Variants in HELZ observed in about 807,000 individuals in gnomAD.
HELZ encodes the protein ATP-dependent RNA helicase with zinc finger domain.
Under a neutral mutation model 218.2 loss-of-function variants are expected in HELZ, and 23 were observed. That is an observed-to-expected ratio of 0.11 (90% confidence interval 0.08 to 0.15). The LOEUF (loss-of-function observed/expected upper bound fraction) is 0.15, where lower values mean the gene tolerates loss of function less well. Ranked by LOEUF, HELZ falls within the 10% of genes least tolerant of loss-of-function variation. HELZ has a pLI of 1.00. For synonymous variants in HELZ, 814 were observed against 829.4 expected, an observed-to-expected ratio of 0.98 and a Z score of 0.32; for missense variants, 1,813 against 2,353.7, an observed-to-expected ratio of 0.77 and a Z score of 4.75.
chr17:67,103,106 ACAT>A (rs1470770885), intron 31 of HELZ, among the ~76,000 whole-genome samples: 1 of 152,186 alleles, frequency 6.6e-6, no homozygotes, highest in Non-Finnish European at 1.5e-5. Context: ...TTAAATAAAA[ACAT>A]CATAAGTGAT....
At chr17:67,196,367 C>T (rs1567882223) in intron 7 of HELZ, among the ~76,000 whole-genome samples, 2 of 152,204 alleles carry the variant, frequency 1.3e-5, no homozygotes. Context: ...TTCAACAAAG[C>T]GCCAACCATA....
At chr17:67,179,441 G>A (rs919618616) in intron 12 of HELZ, among the ~76,000 whole-genome samples, 4 of 152,124 alleles carry the variant, frequency 2.6e-5, no homozygotes, top group Non-Finnish European at 4.4e-5. Flanking sequence ...AAATCTTTTC[G>A]AAAATATTAA....
chr17:67,091,631 A>G (rs2036576770), intron 31 of HELZ, among the ~76,000 whole-genome samples: 1 of 152,170 alleles, frequency 6.6e-6, no homozygotes, highest in Non-Finnish European at 1.5e-5. Context: ...TAACATAGCT[A>G]AAGTGGGAAA....
At chr17:67,195,690 G>C (rs557935601) in intron 7 of HELZ, among the ~76,000 whole-genome samples, 1 of 151,910 alleles carries the variant, frequency 6.6e-6, no homozygotes, top group Non-Finnish European at 1.5e-5. Flanking sequence ...GCTGATAGAG[G>C]CCTCCTACAT....
At chr17:67,092,829 G>C (rs2036611957) in intron 31 of HELZ, among the ~76,000 whole-genome samples, 1 of 151,984 alleles carries the variant, frequency 6.6e-6, no homozygotes, top group African/African-American at 2.4e-5. Context: ...GCCGGGAGTG[G>C]TGGCGGGTGA....
chr17:67,233,376 AAGAT>A (rs962917565), intron 3 of HELZ, among the ~76,000 whole-genome samples: 2 of 152,162 alleles, frequency 1.3e-5, no homozygotes, highest in African/African-American at 4.8e-5. Context: ...ATAAAATTAA[AAGAT>A]AGAAAATAAA....
rs181046513 is a variant in HELZ, at chr17:67,222,441, T to C, written c.-18-3619A>G. ...GAGCTCGGTAACATTAATATGTAAG[T>C]AGAGATTAAGCGCAGAACTATGAAT... On this transcript the variant is annotated intron_variant, in intron 3 of 32. Coordinates refer to ENST00000358691, the MANE Select transcript of HELZ (RefSeq NM_014877.4). Among the ~76,000 whole-genome samples, 3 of 152,212 alleles carry C rather than the reference T, an allele frequency of 2.0e-5. No homozygotes were observed. In the East Asian group the frequency reaches 5.8e-4, roughly 29 times the overall value.
At chr17:67,086,633 T>TATAAATATAA (rs1162931301) in intron 32 of HELZ, among the ~76,000 whole-genome samples, 196 bp downstream of exon 32, 1 of 72,994 alleles carries the variant, frequency 1.4e-5, no homozygotes, top group Admixed American at 1.5e-4. Context: ...TAAATATAAA[T>TATAAATATAA]ATATATATAT....
At chr17:67,133,510 C>T (rs1300354141) in intron 23 of HELZ, among the ~76,000 whole-genome samples, 3 of 152,044 alleles carry the variant, frequency 2.0e-5, no homozygotes, top group Admixed American at 2.0e-4. Flanking sequence ...ACTAATGTGG[C>T]TTGACACTAT....
intron 22 of HELZ, among the ~76,000 whole-genome samples, chr17:67,136,883 C>T (rs1194930045): frequency 1.3e-5 from 2 of 151,962 alleles, no homozygotes; most frequent in East Asian, 3.9e-4. Context: ...TGCACAATAA[C>T]GTAAATGAAC....
chr17:67,189,514 A>G (rs905017943), intron 11 of HELZ, 75 bp downstream of exon 11: 9 of 838,090 alleles, frequency 1.1e-5, no homozygotes, highest in Non-Finnish European at 1.6e-5. Flanking sequence ...TCTTTAACAC[A>G]GAGATTCAAA....
At chr17:67,089,704 G>GAGACAC in intron 31 of HELZ, among the ~76,000 whole-genome samples, 5 of 142,080 alleles carry the variant, frequency 3.5e-5, no homozygotes, top group Non-Finnish European at 7.5e-5. Context: ...GAGAGAGACA[G>GAGACAC]AGAGACAGAG....
At chr17:67,228,707 C>CATTATTATTATTATTATTATT (rs375631612) in intron 3 of HELZ, among the ~76,000 whole-genome samples, 4 of 147,508 alleles carry the variant, frequency 2.7e-5, no homozygotes, top group Middle Eastern at 3.5e-3. Context: ...CAAATTGATA[C>CATTATTATTATTATTATTATT]ATTATTATTA....
intron 31 of HELZ, 34 bp downstream of exon 31, chr17:67,107,135 G>T (rs1446124532): frequency 6.5e-7 from 1 of 1,545,460 alleles, no homozygotes; most frequent in South Asian, 1.2e-5. Flanking sequence ...TTCACAATCA[G>T]CTAATAACAA....
intron 26 of HELZ, among the ~76,000 whole-genome samples, chr17:67,121,969 A>C (rs538301131): frequency 1.3e-5 from 2 of 152,236 alleles, no homozygotes; most frequent in Admixed American, 6.5e-5. Context: ...AATGAGACCA[A>C]TTCATTAGCT....
At chr17:67,195,286 A>G in intron 8 of HELZ, 133 bp downstream of exon 8, 1 of 532,410 alleles carries the variant, frequency 1.9e-6, no homozygotes, top group South Asian at 3.8e-5. Context: ...CTACTTCTTA[A>G]AATTAAAATC....
intron 27 of HELZ, among the ~76,000 whole-genome samples, chr17:67,114,621 A>G (rs1474184082): frequency 6.6e-6 from 1 of 152,226 alleles, no homozygotes; most frequent in Non-Finnish European, 1.5e-5. Context: ...TGACAAGGCA[A>G]AGCCTAATAA....
At chr17:67,135,929 C>A in intron 23 of HELZ, 41 bp downstream of exon 23, 2 of 1,475,726 alleles carry the variant, frequency 1.4e-6, no homozygotes, top group South Asian at 1.2e-5. Flanking sequence ...CAAATCATGT[C>A]ACATTTCCCC....
rs552151568 is a variant in HELZ, at chr17:67,211,154, G to A, written c.247+4745C>T. On this transcript the variant is annotated intron_variant, in intron 5 of 32. Coordinates refer to ENST00000358691, the MANE Select transcript of HELZ (RefSeq NM_014877.4). ...AGGTGCCCTTGAGTCCTCACTCAGA[G>A]TATGTTTACTCTTATTGAAGCAGAA... Among the ~76,000 whole-genome samples, 13 of 152,090 alleles carry A rather than the reference G, an allele frequency of 8.5e-5. No homozygotes were observed. The South Asian group carries it at 2.7e-3, about 32-fold the overall frequency.
Sources: gnomAD v4.1 joint callset for allele counts (sites outside exome capture counted in the v4.1 genomes callset) on GRCh38, gnomAD v4.1.1 for gene constraint, MANE v1.5 for transcripts, NCBI Gene and HGNC (gene_info 2026-07-23, HGNC 2026-07-21) for gene names.